HTR2C: variants seen among roughly 807,000 people sequenced by gnomAD.
HTR2C encodes 5-hydroxytryptamine (serotonin) receptor 2C, G protein-coupled.
HTR2C carries 5 observed loss-of-function variants against 21.0 expected under a neutral mutation model. The ratio of observed to expected loss-of-function variants is 0.24; its 90% CI spans 0.12 to 0.50. The LOEUF is 0.50. Among genes scored for constraint, HTR2C ranks in the 20% least tolerant of loss-of-function variants. The probability of loss-of-function intolerance (pLI) is 0.98; values close to 1 mark genes in which losing one functional copy is unlikely to be tolerated. For missense variants in HTR2C, 271 were observed against 371.2 expected, an observed-to-expected ratio of 0.73 and a Z score of 2.22; for synonymous variants, 150 against 145.3, an observed-to-expected ratio of 1.03 and a Z score of -0.23.
intron 2 of HTR2C, chrX:114,652,709 A>G: frequency 2.6e-6 from 1 of 379,526 alleles, no homozygotes; most frequent in Non-Finnish European, 5.3e-6. Flanking sequence ...GTCTTATTTG[A>G]GCACCTGTTA....
chrX:114,709,200 TA>T (rs1932855538), intron 2 of HTR2C, among the ~76,000 whole-genome samples: 1 of 112,234 alleles, frequency 8.9e-6, no homozygotes, highest in East Asian at 2.8e-4. Context: ...CTTTTATCAT[TA>T]AAAAGCGTCT....
intron 2 of HTR2C, among the ~76,000 whole-genome samples, chrX:114,675,976 T>C (rs2147851704): frequency 9.2e-6 from 1 of 108,460 alleles, no homozygotes; most frequent in African/African-American, 3.3e-5. Context: ...TTCAAGTGAT[T>C]CTCCTGCCTC....
intron 4 of HTR2C, among the ~76,000 whole-genome samples, chrX:114,845,987 C>T (rs1033544028): frequency 9.1e-5 from 10 of 109,717 alleles, no homozygotes; most frequent in East Asian, 8.6e-4. Context: ...CAAACTAGCC[C>T]AGACAACAGA....
chrX:114,825,726 G>A (rs1345831746), intron 4 of HTR2C, among the ~76,000 whole-genome samples: 1 of 111,857 alleles, frequency 8.9e-6, no homozygotes, highest in Non-Finnish European at 1.9e-5. Context: ...AAATCTTGAA[G>A]TGTAATTGTA....
At chrX:114,825,256 G>A (rs189092858) in intron 4 of HTR2C, among the ~76,000 whole-genome samples, 1 of 111,400 alleles carries the variant, frequency 9.0e-6, no homozygotes, top group Admixed American at 9.6e-5. Context: ...AACCATTAAC[G>A]TTAGAAAATT....
intron 5 of HTR2C, among the ~76,000 whole-genome samples, chrX:114,869,397 G>C (rs1241107948): frequency 5.4e-5 from 6 of 111,658 alleles, no homozygotes; most frequent in Non-Finnish European, 1.1e-4. Context: ...TCTAGTTCTA[G>C]ATCTTTGAGG....
intron 2 of HTR2C, among the ~76,000 whole-genome samples, chrX:114,650,636 CT>C (rs1353730819): frequency 1.8e-4 from 20 of 112,105 alleles, no homozygotes; most frequent in African/African-American, 6.5e-4. Context: ...TCTGTTTTAT[CT>C]TTCACAGCAT....
intron 4 of HTR2C, among the ~76,000 whole-genome samples, chrX:114,754,092 G>A (rs1179870537): frequency 9.0e-6 from 1 of 110,866 alleles, no homozygotes; most frequent in Admixed American, 9.7e-5. Context: ...TATTGGATTA[G>A]GGCCCACCCT....
chrX:114,654,250 AATAG>A (rs1379513193), intron 2 of HTR2C, among the ~76,000 whole-genome samples: 2 of 108,231 alleles, frequency 1.8e-5, no homozygotes, highest in African/African-American at 6.7e-5. Context: ...ACAATAAAAT[AATAG>A]ATGTATGTGT....
chrX:114,703,362 C>G (rs1359806809), intron 2 of HTR2C, among the ~76,000 whole-genome samples: 2 of 110,905 alleles, frequency 1.8e-5, no homozygotes, highest in Non-Finnish European at 3.8e-5. Flanking sequence ...CAAACTGTCT[C>G]TCAGACCACA....
intron 4 of HTR2C, among the ~76,000 whole-genome samples, chrX:114,816,956 T>A (rs781881311): frequency 2.7e-3 from 258 of 96,664 alleles, no homozygotes; most frequent in African/African-American, 8.6e-3. Flanking sequence ...TAAAAAAAAA[T>A]AGATGATTAC....
chrX:114,787,098 G>A (rs962394579), intron 4 of HTR2C, among the ~76,000 whole-genome samples: 4 of 111,327 alleles, frequency 3.6e-5, no homozygotes, highest in Non-Finnish European at 7.5e-5. Flanking sequence ...CCACTTTTGG[G>A]CAACAGAGAG....
intron 2 of HTR2C, among the ~76,000 whole-genome samples, chrX:114,633,765 TTC>T (rs782141679): frequency 1.8e-5 from 2 of 109,734 alleles, no homozygotes; most frequent in Admixed American, 9.9e-5. Flanking sequence ...AAAGGCATCA[TTC>T]TCTCTCTCTA....
At chrX:114,722,436 A>G (rs370188898) in intron 2 of HTR2C, among the ~76,000 whole-genome samples, 1 of 110,782 alleles carries the variant, frequency 9.0e-6, no homozygotes, top group East Asian at 2.8e-4. Context: ...GGGTTTTCTA[A>G]ATATACAATC....
Position 114,697,238 on chromosome X carries a change from T to C in HTR2C, c.-79-29620T>C, listed in dbSNP as rs1242077999. Among the ~76,000 whole-genome samples, 3 of 112,350 alleles carry C rather than the reference T, an allele frequency of 2.7e-5. No homozygotes were observed. The East Asian group carries it at 8.4e-4, about 31-fold the overall frequency. On this transcript the variant is annotated intron_variant, in intron 2 of 5. Coordinates refer to ENST00000276198, the MANE Select transcript of HTR2C (RefSeq NM_000868.4). ...TGCTTTTGATCCATCAGTGTTTTGA[T>C]TGATTGTGTATATTATGCAAGCAGA...
intron 4 of HTR2C, among the ~76,000 whole-genome samples, chrX:114,801,533 T>G (rs1436419859): frequency 1.8e-5 from 2 of 111,502 alleles, no homozygotes; most frequent in Non-Finnish European, 3.8e-5. Context: ...CTTAATAGAA[T>G]TTGAGCATTT....
chrX:114,829,703 T>G (rs190008045), intron 4 of HTR2C, among the ~76,000 whole-genome samples: 4 of 111,812 alleles, frequency 3.6e-5, no homozygotes, highest in Admixed American at 9.5e-5. Flanking sequence ...GATATCTACA[T>G]GCAATTTTCC....
chrX:114,822,127 G>A (rs1210404234), intron 4 of HTR2C, among the ~76,000 whole-genome samples: 1 of 111,123 alleles, frequency 9.0e-6, no homozygotes, highest in Non-Finnish European at 1.9e-5. Flanking sequence ...GATTATAGGC[G>A]TGAGCCAACA....
chrX:114,604,531 G>A (rs782613695), intron 1 of HTR2C, among the ~76,000 whole-genome samples: 5 of 110,012 alleles, frequency 4.5e-5, no homozygotes, highest in Admixed American at 9.7e-5. Flanking sequence ...GATGGTCTAG[G>A]GGGCTTCCGA....
Sources: gnomAD v4.1 joint callset for allele counts (sites outside exome capture counted in the v4.1 genomes callset) on GRCh38, gnomAD v4.1.1 for gene constraint, MANE v1.5 for transcripts, NCBI Gene and HGNC (gene_info 2026-07-23, HGNC 2026-07-21) for gene names.